Variants in BCORL1 observed in about 807,000 individuals in gnomAD.
BCORL1 encodes BCL-6 corepressor-like protein 1.
A neutral mutation model predicts 87.6 loss-of-function variants in BCORL1; 7 were observed. The observed-to-expected ratio is 0.08, with a 90% confidence interval of 0.05 to 0.15. BCORL1 has a LOEUF of 0.15. Ranked by LOEUF, BCORL1 falls within the 10% of genes least tolerant of loss-of-function variation. BCORL1 has a pLI of 1.00. For synonymous variants in BCORL1, 591 were observed against 634.4 expected, an observed-to-expected ratio of 0.93 and a Z score of 1.03; for missense variants, 1,215 against 1,499.7, an observed-to-expected ratio of 0.81 and a Z score of 3.13.
chrX:130,037,662 G>T, intron 10 of BCORL1, 129 bp downstream of exon 10: 4 of 788,109 alleles, frequency 5.1e-6, no homozygotes, highest in Non-Finnish European at 5.4e-6. Flanking sequence ...GGAGGCCAAG[G>T]CGGGCGGATC....
intron 1 of BCORL1, among the ~76,000 whole-genome samples, chrX:129,994,477 A>C (rs1025167942): frequency 1.8e-5 from 2 of 111,754 alleles, no homozygotes; most frequent in African/African-American, 6.5e-5. Flanking sequence ...GGGAGATTGC[A>C]AGCCCTGGCC....
chrX:129,996,644 G>A (rs763460237), intron 1 of BCORL1, among the ~76,000 whole-genome samples: 3 of 111,280 alleles, frequency 2.7e-5, no homozygotes, highest in Admixed American at 9.6e-5. Context: ...TTTGAGACAG[G>A]ATCTCTCTTT....
chrX:130,016,002 G>T lies in BCORL1; in HGVS notation c.3230G>T (p.Arg1077Met), dbSNP rs1449963294. ...RADGLPVAPQRGQAEVRAKAG... is the reference protein window; with the variant it reads ...RADGLPVAPQMGQAEVRAKAG... ...GATGGCCTCCCAGTGGCTCCCCAGA[G>T]GGGCCAAGCTGAAGTTCGGGCTAAG... Residue 1077 changes from arginine (R) to methionine (M), a missense_variant, in exon 4 of 14, where the codon AGG becomes ATG. This residue lies in a region of BCORL1 where 861 missense variants were observed against 1,010.0 expected (regional missense o/e 0.85). Coordinates refer to ENST00000540052, the MANE Select transcript of BCORL1 (RefSeq NM_001379451.1). 8.3e-7 allele frequency: 1 copy of T among 1,212,068 alleles called. No individual in the cohort carries two copies. The highest frequency in any genetic ancestry group is 1.1e-6 in the Non-Finnish European group (1 of 895,604).
At chrX:130,030,474 T>G (rs1022154001) in intron 8 of BCORL1, among the ~76,000 whole-genome samples, 1 of 111,422 alleles carries the variant, frequency 9.0e-6, no homozygotes, top group Non-Finnish European at 1.9e-5. Context: ...AAGGGACTTG[T>G]GCGAGGTTAT....
Position 130,013,711 on chromosome X carries a change from C to T in BCORL1, c.939C>T (p.Pro313=). 8.3e-7 allele frequency: 1 copy of T among 1,208,062 alleles called. No homozygotes were observed. The highest frequency in any genetic ancestry group is 1.1e-6 in the Non-Finnish European group (1 of 893,650). The part of the protein sequence containing the change: ...APLSVPVSAP[P]LALIQAPVPP... ...TTTCAGTCCCAGTTTCAGCTCCTCC[C>T]TTGGCTCTCATCCAGGCTCCTGTGC... The change falls in exon 4 of 14, where the codon CCC becomes CCT. Residue 313 remains proline, a synonymous_variant. Transcript: ENST00000540052.
At chrX:130,051,190 C>T (rs1257246820) in intron 12 of BCORL1, among the ~76,000 whole-genome samples, 2 of 112,374 alleles carry the variant, frequency 1.8e-5, no homozygotes, top group Non-Finnish European at 3.8e-5. Flanking sequence ...CCTGCCCCCA[C>T]GATGCACACG....
chrX:130,038,064 C>T (rs971953078), intron 10 of BCORL1, among the ~76,000 whole-genome samples: 1 of 110,324 alleles, frequency 9.1e-6, no homozygotes, highest in East Asian at 2.9e-4. Flanking sequence ...ATGGCCAGGC[C>T]GCATCAGTTA....
At chrX:130,051,046 C>T (rs935315978) in intron 12 of BCORL1, among the ~76,000 whole-genome samples, 5 of 111,887 alleles carry the variant, frequency 4.5e-5, no homozygotes, top group African/African-American at 1.6e-4. Flanking sequence ...CTCTTTCTTC[C>T]GAGGTCCCTT....
intron 7 of BCORL1, among the ~76,000 whole-genome samples, chrX:130,028,141 G>A (rs934905862): frequency 3.6e-5 from 4 of 111,465 alleles, no homozygotes; most frequent in Non-Finnish European, 3.8e-5. Context: ...CTCGGAGAGT[G>A]ACAAATGGGG....
chrX:129,995,867 A>T (rs1927527938), intron 1 of BCORL1, among the ~76,000 whole-genome samples: 1 of 112,137 alleles, frequency 8.9e-6, no homozygotes, highest in African/African-American at 3.2e-5. Context: ...AGGCAGAGTA[A>T]TCAGGAGGGC....
chrX:130,054,067 A>G (rs1932219991), intron 13 of BCORL1, among the ~76,000 whole-genome samples: 1 of 112,275 alleles, frequency 8.9e-6, no homozygotes. Context: ...AAACAGCTGC[A>G]CCAGGTCAAA....
chrX:130,036,990 AC>A (rs1930985443), intron 9 of BCORL1, among the ~76,000 whole-genome samples: 1 of 112,234 alleles, frequency 8.9e-6, no homozygotes, highest in Non-Finnish European at 1.9e-5. Context: ...TATTAAAAAT[AC>A]GAAAATTAGC....
Position 130,014,048 on chromosome X carries a change from C to G in BCORL1, c.1276C>G (p.Gln426Glu). The stretch of plus-strand genomic sequence containing the variant: ...GAGTAGAGTGTGCTTTCCTGCAGCT[C>G]AGGCACCAGCTATGCAAAAAGTCCC... ...SLSRVCFPAA[Q>E]APAMQKVPLS... is the part of the protein sequence containing the mutation. The change falls in exon 4 of 14, where the codon CAG (glutamine) becomes GAG (glutamate). Residue 426 changes from glutamine to glutamate, a missense_variant. By Grantham distance (29) the Gln-to-Glu change is conservative. Coordinates refer to ENST00000540052, the MANE Select transcript of BCORL1 (RefSeq NM_001379451.1). 8.3e-7 allele frequency: 1 copy of G among 1,208,418 alleles called. No homozygotes were observed. The highest frequency in any genetic ancestry group is 1.1e-6 in the Non-Finnish European group (1 of 893,256).
intron 1 of BCORL1, among the ~76,000 whole-genome samples, chrX:130,000,895 T>TG (rs1251900425): frequency 0.024 from 2,384 of 97,600 alleles, 69 homozygotes; most frequent in African/African-American, 0.093. Flanking sequence ...TGGTGGATGC[T>TG]TTGTGTGTGT....
chrX:129,991,088 A>G (rs1278035830), intron 1 of BCORL1, among the ~76,000 whole-genome samples: 1 of 110,970 alleles, frequency 9.0e-6, no homozygotes, highest in Non-Finnish European at 1.9e-5. Context: ...GGTGTGAGCC[A>G]CCATGCCTGG....
intron 1 of BCORL1, among the ~76,000 whole-genome samples, chrX:129,993,376 G>A (rs1325400774): frequency 8.9e-6 from 1 of 112,572 alleles, no homozygotes; most frequent in Non-Finnish European, 1.9e-5. Context: ...AAAGCAAAAA[G>A]AATCTGGCGG....
chrX:130,042,130 C>T (rs745475217), intron 11 of BCORL1, among the ~76,000 whole-genome samples: 1 of 111,110 alleles, frequency 9.0e-6, no homozygotes, highest in South Asian at 3.8e-4. Context: ...GCTCTGTCAC[C>T]GAGGCTGGAG....
In BCORL1 at chrX:130,039,287, G is replaced by C; in HGVS notation, c.4840+5G>C. 1 of 1,207,919 alleles carries C rather than the reference G, an allele frequency of 8.3e-7. No individual in the cohort carries two copies. The highest frequency in any genetic ancestry group is 1.1e-6 in the Non-Finnish European group (1 of 895,316). ...CCATGAAGCGCTTTCTCAGTGGTAAGCATGGTCCAGACTTGACACTGTTGT... is the reference window on the plus strand; with the variant it reads ...CCATGAAGCGCTTTCTCAGTGGTAACCATGGTCCAGACTTGACACTGTTGT... On this transcript the variant is annotated splice_donor_5th_base_variant and intron_variant, in intron 11 of 13. Coordinates refer to ENST00000540052, the MANE Select transcript of BCORL1 (RefSeq NM_001379451.1).
chrX:129,997,646 G>A (rs946890888), intron 1 of BCORL1, among the ~76,000 whole-genome samples: 1 of 108,210 alleles, frequency 9.2e-6, no homozygotes, highest in Admixed American at 1.0e-4. Context: ...ACAAAAATTA[G>A]CCGGGCATGG....
Sources: allele counts gnomAD v4.1 joint callset (sites outside exome capture counted in the v4.1 genomes callset), GRCh38; gene constraint gnomAD v4.1.1; regional missense constraint gnomAD v4.1.1; transcripts MANE v1.5; gene names NCBI Gene and HGNC (gene_info 2026-07-23, HGNC 2026-07-21).